The following PDHX variants were observed in gnomAD, a reference collection of about 807,000 sequenced individuals.
PDHX encodes pyruvate dehydrogenase protein X component, mitochondrial.
A neutral mutation model predicts 55.3 loss-of-function variants in PDHX; 33 were observed. The ratio of observed to expected loss-of-function variants is 0.60; its 90% confidence interval spans 0.45 to 0.80. The LOEUF (loss-of-function observed/expected upper bound fraction) is 0.80. Ranked by LOEUF, PDHX falls within the 30% of genes least tolerant of loss-of-function variation. The pLI is 0.00. For missense variants in PDHX, 622 were observed against 619.9 expected, an observed-to-expected ratio of 1.00 and a Z score of -0.04; for synonymous variants, 226 against 219.4, an observed-to-expected ratio of 1.03 and a Z score of -0.27.
chr11:34,994,745 T>C (rs981385842), intron 10 of PDHX, among the ~76,000 whole-genome samples, 169 bp from the exon 11 acceptor site: 3 of 152,236 alleles, frequency 2.0e-5, no homozygotes, highest in Admixed American at 2.0e-4. Context: ...TTTTCCTGTG[T>C]ACACAATTAA....
At chr11:34,929,602 T>A (rs1359825189) in intron 1 of PDHX, among the ~76,000 whole-genome samples, 1 of 152,238 alleles carries the variant, frequency 6.6e-6, no homozygotes, top group East Asian at 1.9e-4. Context: ...TTGCTATATT[T>A]GGATTTCTGA....
chr11:34,944,888 T>C (rs1854584858), intron 2 of PDHX, among the ~76,000 whole-genome samples: 2 of 152,226 alleles, frequency 1.3e-5, no homozygotes, highest in South Asian at 2.1e-4. Context: ...AATCCATTTA[T>C]ATTTATTGTG....
intron 10 of PDHX, among the ~76,000 whole-genome samples, chr11:34,994,132 T>TA (rs1441380356): frequency 2.0e-5 from 3 of 152,158 alleles, no homozygotes; most frequent in Non-Finnish European, 2.9e-5. Context: ...AGAGTGTACT[T>TA]ACGCAAATCA....
chr11:34,940,319 T>C (rs1298434316), intron 2 of PDHX, among the ~76,000 whole-genome samples: 1 of 152,194 alleles, frequency 6.6e-6, no homozygotes, highest in Non-Finnish European at 1.5e-5. Flanking sequence ...ATAGTTTTTG[T>C]CTAATATACT....
At chr11:34,981,118 T>G (rs1193636172) in intron 8 of PDHX, among the ~76,000 whole-genome samples, 1 of 152,058 alleles carries the variant, frequency 6.6e-6, no homozygotes, top group Admixed American at 6.6e-5. Context: ...CATTTAACAT[T>G]AGGTATATCT....
At chr11:34,934,220 TA>T (rs1472991867) in intron 2 of PDHX, among the ~76,000 whole-genome samples, 1 of 152,200 alleles carries the variant, frequency 6.6e-6, no homozygotes, top group African/African-American at 2.4e-5. Context: ...GATAACCAGA[TA>T]TTACATGTTT....
chr11:34,984,872 C>CAT, intron 9 of PDHX, 144 bp downstream of exon 9: 2 of 784,368 alleles, frequency 2.5e-6, no homozygotes, highest in Admixed American at 1.9e-5. Context: ...GTGATTGTCA[C>CAT]ATATATATAG....
intron 2 of PDHX, among the ~76,000 whole-genome samples, chr11:34,945,801 A>G (rs1357285158): frequency 6.6e-6 from 1 of 152,220 alleles, no homozygotes; most frequent in Non-Finnish European, 1.5e-5. Flanking sequence ...GTATACATGT[A>G]TACCCATGTT....
Position 34,916,871 on chromosome 11 carries a change from C to T in PDHX, c.160+56C>T, listed in dbSNP as rs1460447921. On this transcript the variant is annotated intron_variant, in intron 1 of 10. Transcript: ENST00000227868. ...GTGTAGCTGAGTGATGGGCCTGGGA[C>T]AGGGGCAGTTATGATTGAGGGCCTG... 13 of 1,484,262 alleles carry T rather than the reference C, an allele frequency of 8.8e-6. No individual in the cohort carries two copies. In the East Asian group the frequency reaches 2.5e-4, roughly 28 times the overall value. 91.9% of individuals were successfully genotyped at this position (1,484,262 alleles called of 1,614,324 possible).
chr11:34,952,653 A>G (rs1469590855), intron 3 of PDHX, among the ~76,000 whole-genome samples: 3 of 151,944 alleles, frequency 2.0e-5, no homozygotes, highest in Non-Finnish European at 2.9e-5. Flanking sequence ...CTTCATGCTA[A>G]AAACTCTCAA....
intron 8 of PDHX, among the ~76,000 whole-genome samples, chr11:34,981,668 T>G (rs1047911588): frequency 3.9e-5 from 6 of 152,104 alleles, no homozygotes; most frequent in African/African-American, 1.4e-4. Context: ...ACCTGTTGTT[T>G]CCTGACTTTT....
intron 9 of PDHX, among the ~76,000 whole-genome samples, chr11:34,991,906 CAAAAAAAAAAAA>C (rs1169109545): frequency 2.7e-5 from 1 of 37,310 alleles, no homozygotes; most frequent in African/African-American, 6.2e-5. Flanking sequence ...TGAGACTTCT[CAAAAAAAAAAAA>C]AAAAAAAAAA....
chr11:34,987,952 G>A (rs143940835), intron 9 of PDHX, among the ~76,000 whole-genome samples: 2 of 152,214 alleles, frequency 1.3e-5, no homozygotes, highest in African/African-American at 4.8e-5. Context: ...CCCAAAAAGG[G>A]TAGACAGTAA....
At chr11:34,924,887 A>C (rs147016840) in intron 1 of PDHX, among the ~76,000 whole-genome samples, 4 of 151,806 alleles carry the variant, frequency 2.6e-5, no homozygotes, top group Admixed American at 2.6e-4. Flanking sequence ...CTCTGTTTCT[A>C]TTTTAGCCGT....
upstream of PDHX, chr11:34,916,124 G>T (rs1853678332): frequency 1.4e-6 from 2 of 1,447,986 alleles, no homozygotes; most frequent in East Asian, 2.6e-5. Flanking sequence ...ACCCCGCCCC[G>T]CAGCTAAACG....
intron 7 of PDHX, 128 bp from the exon 8 acceptor site, chr11:34,977,996 A>C (rs1855415001): frequency 1.5e-6 from 1 of 657,428 alleles, no homozygotes; most frequent in South Asian, 1.8e-5. Flanking sequence ...TGACTAAGCA[A>C]ACAAAAGCTT....
intron 2 of PDHX, 40 bp downstream of exon 2, chr11:34,931,524 T>C: frequency 9.1e-7 from 1 of 1,099,502 alleles, no homozygotes; most frequent in Non-Finnish European, 1.3e-6. Flanking sequence ...TGCTTTGTTA[T>C]TTGGTTATTT....
intron 5 of PDHX, among the ~76,000 whole-genome samples, chr11:34,963,189 G>T (rs1046575124): frequency 6.6e-6 from 1 of 152,184 alleles, no homozygotes; most frequent in African/African-American, 2.4e-5. Context: ...GCCTAATGTC[G>T]TCTTCTGCTA....
At chr11:34,950,814 TGA>T (rs1854743891) in intron 3 of PDHX, among the ~76,000 whole-genome samples, 4 of 151,222 alleles carry the variant, frequency 2.6e-5, no homozygotes, top group African/African-American at 9.7e-5. Flanking sequence ...TTTGCTATTG[TGA>T]ATAGTGCCGC....
Sources: allele counts gnomAD v4.1 joint callset (sites outside exome capture counted in the v4.1 genomes callset), GRCh38; gene constraint gnomAD v4.1.1; transcripts MANE v1.5; gene names NCBI Gene and HGNC (gene_info 2026-07-23, HGNC 2026-07-21).